Variants in CRADD observed in about 807,000 individuals in gnomAD.
CRADD encodes death domain-containing protein CRADD.
In CRADD, 9 loss-of-function variants were observed where a neutral mutation model predicts 15.5. The observed-to-expected ratio is 0.58, with a 90% CI of 0.35 to 1.01. CRADD has a LOEUF of 1.01. Among genes scored for constraint, CRADD ranks in the 50% least tolerant of loss-of-function variants. The probability of loss-of-function intolerance (pLI) is 0.02; values close to 1 mark genes in which losing one functional copy is unlikely to be tolerated. For missense variants in CRADD, 227 were observed against 250.3 expected (o/e 0.91, Z 0.63); for synonymous variants, 118 against 107.6 (o/e 1.10, Z -0.60).
chr12:93,886,162 C>CTTTTTTTTTTTTTTTT lies in CRADD; in HGVS notation c.299-7883_299-7868dup, dbSNP rs761719331. ...ATGGACATGCCTCTAGCTGCTGATG[C>CTTTTTTTTTTTTTTTT]TTTTTTTTTTTTTTTTTTTTGAGAC... On this transcript the variant is annotated intron_variant, in intron 2 of 2. Transcript: ENST00000548483. 2.4e-5 allele frequency among the ~76,000 whole-genome samples: 3 copies of CTTTTTTTTTTTTTTTT among 123,948 alleles called. 1 individual carries two copies. Among genetic ancestry groups the CTTTTTTTTTTTTTTTT allele is most frequent in the Non-Finnish European group, 3.3e-5 (2 of 59,870 alleles). The allele number at this position is 123,948 out of a possible 152,430, so 81.3% of individuals were successfully genotyped here.
intron 2 of CRADD, among the ~76,000 whole-genome samples, chr12:93,893,503 A>G (rs1185763860): frequency 6.6e-6 from 1 of 152,094 alleles, no homozygotes; most frequent in Non-Finnish European, 1.5e-5. Flanking sequence ...TCAGAAGAAA[A>G]AAAATAAAGA....
intron 2 of CRADD, among the ~76,000 whole-genome samples, chr12:93,888,073 G>A (rs1311172285): frequency 6.6e-6 from 1 of 152,192 alleles, no homozygotes; most frequent in Non-Finnish European, 1.5e-5. Flanking sequence ...GAATAGGGAT[G>A]AGAGAATGGG....
At chr12:93,736,409 C>T (rs946205385) in intron 2 of CRADD, among the ~76,000 whole-genome samples, 1 of 152,166 alleles carries the variant, frequency 6.6e-6, no homozygotes, top group Non-Finnish European at 1.5e-5. Flanking sequence ...GTGCTGACCA[C>T]CATCATTTAT....
chr12:93,712,214 C>G (rs1280088809), intron 2 of CRADD, among the ~76,000 whole-genome samples: 1 of 152,192 alleles, frequency 6.6e-6, no homozygotes, highest in Non-Finnish European at 1.5e-5. Flanking sequence ...GAGGATTAAA[C>G]TAGTTACTAT....
chr12:93,858,022 C>G (rs1209488725), intron 2 of CRADD, among the ~76,000 whole-genome samples: 1 of 152,228 alleles, frequency 6.6e-6, no homozygotes, highest in Non-Finnish European at 1.5e-5. Flanking sequence ...TAATTATTCC[C>G]TGCTCTGAAA....
chr12:93,855,849 T>C (rs542166458), intron 2 of CRADD, among the ~76,000 whole-genome samples: 1 of 152,376 alleles, frequency 6.6e-6, no homozygotes, highest in Admixed American at 6.5e-5. Flanking sequence ...GACGGAGTCT[T>C]GCTCTGTCGC....
chr12:93,855,481 G>A (rs1284491017), downstream of CRADD, among the ~76,000 whole-genome samples: 11 of 152,230 alleles, frequency 7.2e-5, no homozygotes, highest in Non-Finnish European at 1.5e-5. Flanking sequence ...CAATGAGACA[G>A]ACATGAAGCT....
At chr12:93,879,756 C>G (rs961948280) in intron 2 of CRADD, among the ~76,000 whole-genome samples, 1 of 152,166 alleles carries the variant, frequency 6.6e-6, no homozygotes, top group South Asian at 2.1e-4. Context: ...GGGTCTCCCG[C>G]GACTGATCCT....
chr12:93,874,867 T>A (rs1763182280), intron 2 of CRADD, among the ~76,000 whole-genome samples: 2 of 152,176 alleles, frequency 1.3e-5, no homozygotes, highest in South Asian at 2.1e-4. Context: ...ATGATCAATG[T>A]GCTGAGGAAA....
intron 2 of CRADD, among the ~76,000 whole-genome samples, chr12:93,860,038 G>A (rs926124044): frequency 3.3e-5 from 5 of 151,934 alleles, no homozygotes; most frequent in African/African-American, 1.2e-4. Context: ...CTCATGTAGG[G>A]GGTTTGTTAA....
At chr12:93,859,172 C>CAGTT (rs1958299351) in intron 2 of CRADD, 1 of 389,942 alleles carries the variant, frequency 2.6e-6, no homozygotes, top group African/African-American at 2.1e-5. Flanking sequence ...TTAACACACC[C>CAGTT]AGTTACCTGT....
intron 2 of CRADD, among the ~76,000 whole-genome samples, chr12:93,746,424 G>C (rs1417068623): frequency 1.3e-5 from 2 of 152,144 alleles, no homozygotes; most frequent in Non-Finnish European, 2.9e-5. Context: ...CACACAGAGT[G>C]GTCCAAGAAG....
At chr12:93,688,285 A>G in intron 2 of CRADD, among the ~76,000 whole-genome samples, 1 of 152,148 alleles carries the variant, frequency 6.6e-6, no homozygotes, top group East Asian at 1.9e-4. Flanking sequence ...GGAGGATCAC[A>G]TGAGGTCAGG....
At chr12:93,772,267 T>C (rs1357750121) in intron 2 of CRADD, among the ~76,000 whole-genome samples, 1 of 152,214 alleles carries the variant, frequency 6.6e-6, no homozygotes, top group African/African-American at 2.4e-5. Context: ...ACTGTTCTGG[T>C]AAAAGCCATT....
intron 2 of CRADD, among the ~76,000 whole-genome samples, chr12:93,707,167 C>T (rs983765605): frequency 2.0e-5 from 3 of 152,108 alleles, no homozygotes; most frequent in African/African-American, 7.2e-5. Flanking sequence ...AGACTGTGTC[C>T]GTCTGTCAAT....
At chr12:93,869,820 T>C (rs1189379568) in intron 2 of CRADD, among the ~76,000 whole-genome samples, 1 of 152,104 alleles carries the variant, frequency 6.6e-6, no homozygotes, top group Non-Finnish European at 1.5e-5. Context: ...TAATAAGCAA[T>C]CTAACATCTG....
chr12:93,681,795 C>T (rs2136790467), intron 2 of CRADD, among the ~76,000 whole-genome samples: 1 of 152,180 alleles, frequency 6.6e-6, no homozygotes, highest in African/African-American at 2.4e-5. Flanking sequence ...TTATAGTTTC[C>T]TATCTCCTAA....
At chr12:93,692,849 T>A (rs1955605416) in intron 2 of CRADD, among the ~76,000 whole-genome samples, 1 of 152,204 alleles carries the variant, frequency 6.6e-6, no homozygotes, top group Admixed American at 6.5e-5. Flanking sequence ...ATCATTTACA[T>A]CTTTAGTTTG....
chr12:93,749,275 G>A (rs1592958188), intron 2 of CRADD, among the ~76,000 whole-genome samples: 1 of 152,204 alleles, frequency 6.6e-6, no homozygotes, highest in South Asian at 2.1e-4. Flanking sequence ...CCAAGATGGG[G>A]AGGAGCTTGG....
Sources: gnomAD v4.1 joint callset for allele counts (sites outside exome capture counted in the v4.1 genomes callset) on GRCh38, gnomAD v4.1.1 for gene constraint, MANE v1.5 for transcripts, NCBI Gene and HGNC (gene_info 2026-07-23, HGNC 2026-07-21) for gene names.